Variants in MYH11 observed in about 807,000 individuals in gnomAD.
MYH11 encodes the protein myosin-11.
Under a neutral mutation model 246.6 loss-of-function variants are expected in MYH11, and 80 were observed. The observed-to-expected ratio is 0.32, with a 90% CI of 0.27 to 0.39. The LOEUF is 0.39. Among genes scored for constraint, MYH11 ranks in the 10% least tolerant of loss-of-function variants. The probability of loss-of-function intolerance (pLI) is 1.00; values close to 1 mark genes in which losing one functional copy is unlikely to be tolerated. For missense variants in MYH11, 2,158 were observed against 2,546.8 expected (o/e 0.85, Z 3.29); for synonymous variants, 1,071 against 1,015.5 (o/e 1.05, Z -1.04).
chr16:15,712,255 A>T (rs768456325), intron 40 of MYH11, among the ~76,000 whole-genome samples: 9 of 152,166 alleles, frequency 5.9e-5, no homozygotes, highest in Non-Finnish European at 1.2e-4. Flanking sequence ...TTCTAGGAAG[A>T]AGCTAGGGCT....
At chr16:15,770,780 C>T (rs779323273) in intron 9 of MYH11, among the ~76,000 whole-genome samples, 1 of 152,106 alleles carries the variant, frequency 6.6e-6, no homozygotes, top group Non-Finnish European at 1.5e-5. Context: ...CAATCAGAGT[C>T]AATGACACTC....
chr16:15,784,700 A>G, intron 5 of MYH11: 1 of 1,613,940 alleles, frequency 6.2e-7, no homozygotes, highest in South Asian at 1.1e-5. Context: ...TTACTCACGT[A>G]GGCAAAAGAT....
intron 5 of MYH11, chr16:15,784,671 A>T: frequency 6.2e-7 from 1 of 1,613,562 alleles, no homozygotes; most frequent in Non-Finnish European, 8.5e-7. Context: ...TCCCCTACAC[A>T]CCAGGAAAAC....
intron 40 of MYH11, among the ~76,000 whole-genome samples, chr16:15,709,323 G>A (rs1012569158): frequency 6.6e-6 from 1 of 151,486 alleles, no homozygotes; most frequent in Non-Finnish European, 1.5e-5. Context: ...GTAGATGAAA[G>A]GATAAGCAGT....
chr16:15,836,645 C>T (rs1265507406), intron 2 of MYH11, among the ~76,000 whole-genome samples: 1 of 151,978 alleles, frequency 6.6e-6, no homozygotes, highest in Non-Finnish European at 1.5e-5. Flanking sequence ...GGTGATCCAC[C>T]CACCTTGGCC....
chr16:15,838,856 CA>C (rs10573476), intron 1 of MYH11, among the ~76,000 whole-genome samples: 61,638 of 89,036 alleles, frequency 0.69, 19,341 homozygotes, highest in Admixed American at 0.74. Context: ...GACTCCATCT[CA>C]AAAAAAAAAA....
chr16:15,829,985 A>G (rs1224161521), intron 2 of MYH11, among the ~76,000 whole-genome samples: 2 of 152,226 alleles, frequency 1.3e-5, no homozygotes, highest in Non-Finnish European at 2.9e-5. Flanking sequence ...AAATACAAAA[A>G]TTAGCAAGGT....
At chr16:15,756,267 C>T (rs2041712767) in intron 14 of MYH11, 74 bp downstream of exon 14, 3 of 1,550,700 alleles carry the variant, frequency 1.9e-6, no homozygotes, top group African/African-American at 1.4e-5. Flanking sequence ...TTCTGCCACT[C>T]TCAGACTGTC....
intron 26 of MYH11, among the ~76,000 whole-genome samples, chr16:15,734,548 T>A (rs2041061002): frequency 6.6e-6 from 1 of 152,126 alleles, no homozygotes; most frequent in Admixed American, 6.6e-5. Flanking sequence ...GATCCACCTG[T>A]CTTTGGCCTC....
At chr16:15,745,955 G>A (rs1456561838) in intron 19 of MYH11, among the ~76,000 whole-genome samples, 10 of 140,248 alleles carry the variant, frequency 7.1e-5, no homozygotes, top group East Asian at 4.3e-4. Context: ...CTGGCTCTGC[G>A]GCCCAGGCTG....
chr16:15,851,513 C>G (rs935144738), intron 1 of MYH11, among the ~76,000 whole-genome samples: 7 of 152,098 alleles, frequency 4.6e-5, no homozygotes, highest in Non-Finnish European at 1.0e-4. Context: ...AGAATCTAAT[C>G]CTAGTTTTCT....
At chr16:15,759,440 G>T (rs988691531) in intron 12 of MYH11, 136 bp downstream of exon 12, 2 of 1,140,596 alleles carry the variant, frequency 1.8e-6, no homozygotes, top group Non-Finnish European at 2.6e-6. Context: ...TACCCTCAAT[G>T]ATCCACCCTT....
At position 15,813,840 on chromosome 16, in the gene MYH11, G is replaced by C. The variant is rs373721452; in HGVS notation, c.502+9415C>G. On this transcript the variant is annotated intron_variant, in intron 3 of 40. Coordinates refer to ENST00000300036, the MANE Select transcript of MYH11 (RefSeq NM_002474.3). ...AGACCCCATTCTCCACACAAAAGAG[G>C]GGGGAAAAGGCAAAAAAAAAAAAGT... Among the ~76,000 whole-genome samples the C allele has an allele frequency of 1.0e-4, 15 of 145,136 alleles. No individual in the cohort carries two copies. The South Asian group carries it at 1.1e-3, about 10-fold the overall frequency.
chr16:15,776,991 T>C (rs1388722439), intron 7 of MYH11, among the ~76,000 whole-genome samples: 2 of 152,118 alleles, frequency 1.3e-5, no homozygotes, highest in African/African-American at 2.4e-5. Context: ...CCTTGTCTTC[T>C]TCAAGTCCTA....
At chr16:15,824,838 TCC>T (rs2043517113) in intron 2 of MYH11, among the ~76,000 whole-genome samples, 1 of 152,126 alleles carries the variant, frequency 6.6e-6, no homozygotes, top group Admixed American at 6.5e-5. Context: ...CAGAGGCATC[TCC>T]TCGTGGCATC....
chr16:15,704,026 C>G lies in MYH11; in HGVS notation c.5884G>C (p.Asp1962His). The part of the protein sequence containing the change: ...DGSEEETDTR[D>H]ADFNGTKASE ...GCCTTGGTTCCATTGAAGTCTGCGTCTCGAGTGTCCGTTTCCTCCTCAGAA... is the reference window on the plus strand; with the variant it reads ...GCCTTGGTTCCATTGAAGTCTGCGTGTCGAGTGTCCGTTTCCTCCTCAGAA... Residue 1962 changes from aspartate (D) to histidine (H), a missense_variant, in exon 41 of 41, where the codon GAC becomes CAC. Around this residue, in one of 11 missense-constraint regions of MYH11, gnomAD observed 1,013 missense variants for 993.5 expected, o/e 1.02. Transcript: ENST00000300036. 6.2e-7 allele frequency: 1 copy of G among 1,614,076 alleles called. No individual in the cohort carries two copies. Among genetic ancestry groups the G allele is most frequent in the Non-Finnish European group, 8.5e-7 (1 of 1,180,026 alleles).
chr16:15,763,813 G>T lies in MYH11; in HGVS notation c.1112C>A (p.Ser371Tyr), dbSNP rs559404135. The T allele has an allele frequency of 3.8e-6, 6 of 1,598,310 alleles. No individual in the cohort carries two copies. The highest frequency in any genetic ancestry group is 5.1e-6 in the Non-Finnish European group (6 of 1,172,226). ...FKKERNTDQA[S>Y]MPDNTAAQKV... is the part of the protein sequence containing the mutation. ...GCAAGTACCTGTGTTATCTGGCATGGACGCCTGGTCTGTGTTTCTTTCCTT... is the reference window on the plus strand; with the variant it reads ...GCAAGTACCTGTGTTATCTGGCATGTACGCCTGGTCTGTGTTTCTTTCCTT... Residue 371 changes from serine (S) to tyrosine (Y), a missense_variant, in exon 10 of 41, where the codon TCC becomes TAC. By Grantham distance (144) the Ser-to-Tyr change is moderately radical (BLOSUM62 -2). Coordinates refer to ENST00000300036, the MANE Select transcript of MYH11 (RefSeq NM_002474.3).
intron 3 of MYH11, 85 bp downstream of exon 3, chr16:15,823,170 C>G: frequency 6.3e-7 from 1 of 1,585,598 alleles, no homozygotes. Context: ...GCCTGCCAAA[C>G]TCCACATTCC....
chr16:15,750,448 C>A lies in MYH11; in HGVS notation c.1865-117G>T. On this transcript the variant is annotated intron_variant, in intron 15 of 40. Transcript: ENST00000300036. This position sits in a 1 kb window ranked among gnomAD's most constrained non-coding sequence, Gnocchi z 4.3. ...CCACTCCAATCTTTCCTTCCATCAC[C>A]AACGCCTCCTTCGGCAGTCAGGGTT... 1.0e-6 allele frequency: 1 copy of A among 1,000,092 alleles called. No individual in the cohort carries two copies. Among genetic ancestry groups the A allele is most frequent in the Non-Finnish European group, 1.5e-6 (1 of 664,492 alleles). 62.0% of individuals were successfully genotyped at this position (1,000,092 alleles called of 1,614,324 possible). A position where few individuals can be genotyped will look rare whatever the true frequency, so the allele number is the denominator to read the frequency against.
Sources: allele counts gnomAD v4.1 joint callset (sites outside exome capture counted in the v4.1 genomes callset), GRCh38; gene constraint gnomAD v4.1.1; regional missense constraint gnomAD v4.1.1; non-coding constraint Gnocchi (gnomAD v3.1); transcripts MANE v1.5; gene names NCBI Gene and HGNC (gene_info 2026-07-23, HGNC 2026-07-21).